Variants in PCDH15 observed in about 807,000 individuals in gnomAD.
PCDH15 encodes protocadherin related 15.
A neutral mutation model predicts 178.5 loss-of-function variants in PCDH15; 129 were observed. The observed-to-expected ratio is 0.72, with a 90% CI of 0.63 to 0.84. PCDH15 has a LOEUF of 0.84. Among genes scored for constraint, PCDH15 ranks in the 40% least tolerant of loss-of-function variants. The pLI is 0.00. For synonymous variants in PCDH15, 800 were observed against 732.0 expected (o/e 1.09, Z -1.50); for missense variants, 2,230 against 2,099.9 (o/e 1.06, Z -1.21).
At chr10:54,187,809 T>C (rs1454923695) in intron 11 of PCDH15, among the ~76,000 whole-genome samples, 1 of 151,834 alleles carries the variant, frequency 6.6e-6, no homozygotes, top group Non-Finnish European at 1.5e-5. Context: ...ACATAAATGC[T>C]ACTGGTAAAT....
chr10:55,187,098 C>T (rs1340669189), intron 1 of PCDH15, among the ~76,000 whole-genome samples: 1 of 151,622 alleles, frequency 6.6e-6, no homozygotes, highest in African/African-American at 2.4e-5. Flanking sequence ...AAATATTGAA[C>T]AAGATAGTCA....
At chr10:53,818,166 G>A (rs902470706) in intron 33 of PCDH15, 153 bp from the exon 34 acceptor site, 18 of 385,918 alleles carry the variant, frequency 4.7e-5, no homozygotes, top group Non-Finnish European at 5.5e-5. Flanking sequence ...TATATTTTGT[G>A]GAATTATCAA....
At chr10:54,142,086 C>T (rs912273224) in intron 14 of PCDH15, among the ~76,000 whole-genome samples, 8 of 152,056 alleles carry the variant, frequency 5.3e-5, no homozygotes, top group Non-Finnish European at 1.2e-4. Flanking sequence ...AACTTTGATG[C>T]TTTTGGTCAC....
rs138930138 is a variant in PCDH15 at position 55,568,505 on chromosome 10, A to G, written c.-156+59120T>C. 3.9e-3 allele frequency among the ~76,000 whole-genome samples: 587 copies of G among 152,142 alleles called. 2 individuals are homozygous for G. Among genetic ancestry groups the G allele is most frequent in the Non-Finnish European group, 6.4e-3 (432 of 67,960 alleles). On this transcript the variant is annotated intron_variant, in intron 2 of 5. Coordinates refer to the PCDH15 transcript ENST00000613346. Reference sequence around the variant, plus strand: ...AAATGTGATTAATGATAATTACATTATGTGTATTTTTACCAAAATACAAAA... The same window carrying G: ...AAATGTGATTAATGATAATTACATTGTGTGTATTTTTACCAAAATACAAAA...
At chr10:53,822,731 G>A in intron 32 of PCDH15, 1 of 1,614,040 alleles carries the variant, frequency 6.2e-7, no homozygotes, top group Non-Finnish European at 8.5e-7. Context: ...AGTGAGGCCT[G>A]GGAAAGCAAA....
At chr10:54,950,138 A>C (rs945319761) in intron 2 of PCDH15, among the ~76,000 whole-genome samples, 1 of 152,020 alleles carries the variant, frequency 6.6e-6, no homozygotes, top group Non-Finnish European at 1.5e-5. Context: ...GAACTTCCTG[A>C]GACTGGGTAA....
chr10:54,503,064 C>T (rs997521803), intron 3 of PCDH15, among the ~76,000 whole-genome samples: 1 of 151,276 alleles, frequency 6.6e-6, no homozygotes, highest in Non-Finnish European at 1.5e-5. Context: ...TCTAAGCTTG[C>T]TATAAAATCT....
intron 18 of PCDH15, among the ~76,000 whole-genome samples, chr10:54,034,496 A>G (rs2093371345): frequency 6.6e-6 from 1 of 151,952 alleles, no homozygotes; most frequent in Non-Finnish European, 1.5e-5. Flanking sequence ...TTTTGCTGAC[A>G]ACAATTCACT....
chr10:55,011,922 G>T (rs1426175616), intron 2 of PCDH15, among the ~76,000 whole-genome samples: 1 of 152,046 alleles, frequency 6.6e-6, no homozygotes, highest in Non-Finnish European at 1.5e-5. Flanking sequence ...ACTAAGGCGA[G>T]AAATCAATTT....
At chr10:55,068,239 A>T (rs1454008636) in intron 2 of PCDH15, among the ~76,000 whole-genome samples, 5 of 151,940 alleles carry the variant, frequency 3.3e-5, no homozygotes, top group African/African-American at 4.8e-5. Context: ...TTCAGATCTT[A>T]TGTTTAAGTT....
chr10:53,888,201 C>T (rs1322212121), intron 26 of PCDH15, among the ~76,000 whole-genome samples: 1 of 149,014 alleles, frequency 6.7e-6, no homozygotes, highest in African/African-American at 2.5e-5. Flanking sequence ...AAAATATGTT[C>T]ACCTCTGCTC....
chr10:55,048,583 T>A (rs904501724), intron 2 of PCDH15, among the ~76,000 whole-genome samples: 1 of 151,950 alleles, frequency 6.6e-6, no homozygotes, highest in Non-Finnish European at 1.5e-5. Flanking sequence ...CTCAGTCAAG[T>A]GGTGTGGCAT....
chr10:54,297,321 C>T (rs1028006615), intron 8 of PCDH15, among the ~76,000 whole-genome samples: 5 of 152,114 alleles, frequency 3.3e-5, no homozygotes, highest in African/African-American at 1.2e-4. Context: ...TTTTTTTCTG[C>T]ACTATGGCTC....
chr10:55,442,471 T>TATATATATATTATATATATATATATA (rs1839214388), intron 2 of PCDH15, among the ~76,000 whole-genome samples: 1 of 29,380 alleles, frequency 3.4e-5, no homozygotes, highest in Non-Finnish European at 5.5e-5. Context: ...ATATATATAT[T>TATATATATATTATATATATATATATA]ATATATATAT....
intron 2 of PCDH15, among the ~76,000 whole-genome samples, chr10:55,082,652 T>C (rs893307490): frequency 7.7e-5 from 11 of 142,724 alleles, no homozygotes; most frequent in Admixed American, 7.6e-4. Flanking sequence ...AATTGACAAA[T>C]CTTGAATTAA....
Position 54,316,529 on chromosome 10 carries a change from TACACACAC to T in PCDH15, c.876+734_876+741del, listed in dbSNP as rs35604056. On this transcript the variant is annotated intron_variant, in intron 8 of 37. Coordinates refer to ENST00000644397, the MANE Select transcript of PCDH15 (RefSeq NM_001384140.1). ...AATTTTTAAAAACAGAATATGTGTA[TACACACAC>T]ACACACACACACACACACACACACA... Among the ~76,000 whole-genome samples the T allele has an allele frequency of 6.6e-3, 875 of 132,286 alleles. 5 individuals carry two copies. The highest frequency in any genetic ancestry group is 0.013 in the African/African-American group (482 of 36,634). The allele number at this position is 132,286 out of a possible 152,430, so 86.8% of individuals were successfully genotyped here.
chr10:53,951,511 T>C (rs1422965523), intron 23 of PCDH15, among the ~76,000 whole-genome samples: 1 of 152,232 alleles, frequency 6.6e-6, no homozygotes, highest in Non-Finnish European at 1.5e-5. Flanking sequence ...AAGACACTAA[T>C]ATCATTGTTA....
chr10:54,384,254 C>T (rs1949647684), intron 3 of PCDH15, among the ~76,000 whole-genome samples: 2 of 151,962 alleles, frequency 1.3e-5, no homozygotes, highest in Non-Finnish European at 2.9e-5. Context: ...CAATTATAAA[C>T]CTCAAATTTT....
At chr10:54,481,793 CT>C (rs2078734813) in intron 3 of PCDH15, among the ~76,000 whole-genome samples, 1 of 151,798 alleles carries the variant, frequency 6.6e-6, no homozygotes, top group South Asian at 2.1e-4. Flanking sequence ...TCCTATTTCT[CT>C]TTTATTTTTA....
Sources: gnomAD v4.1 joint callset for allele counts (sites outside exome capture counted in the v4.1 genomes callset) on GRCh38, gnomAD v4.1.1 for gene constraint, MANE v1.5 for transcripts, NCBI Gene and HGNC (gene_info 2026-07-23, HGNC 2026-07-21) for gene names.